ZNF730: variants seen among roughly 807,000 people sequenced by gnomAD.
ZNF730 encodes putative zinc finger protein 730.
In ZNF730, 12 loss-of-function variants were observed where a neutral mutation model predicts 12.6. The observed-to-expected ratio is 0.95, with a 90% CI of 0.61 to 1.54. The LOEUF (loss-of-function observed/expected upper bound fraction) is 1.54. Among genes scored for constraint, ZNF730 ranks in the 40% most tolerant of loss-of-function variants. The probability of loss-of-function intolerance (pLI) is 0.00; values close to 1 mark genes in which losing one functional copy is unlikely to be tolerated. For missense variants in ZNF730, 643 were observed against 583.5 expected (o/e 1.10, Z -1.05); for synonymous variants, 194 against 195.8 (o/e 0.99, Z 0.08).
rs1969924096 is a variant in ZNF730, at chr19:23,079,329, GT to G, written c.-94+3943del. Among the ~76,000 whole-genome samples the G allele has an allele frequency of 2.0e-5, 3 of 151,798 alleles. No homozygotes were observed. The South Asian group carries it at 6.2e-4, about 31-fold the overall frequency. On this transcript the variant is annotated intron_variant, in intron 1 of 2. Coordinates refer to the ZNF730 transcript ENST00000593635. ...TGCGCCACCACGCCCAGCTTATTTT[GT>G]ATTTTTAGTGAAGATGAGGGTTTCT...
intron 1 of ZNF730, among the ~76,000 whole-genome samples, chr19:23,120,627 GTTA>G (rs979278343): frequency 3.3e-5 from 5 of 150,816 alleles, no homozygotes; most frequent in Non-Finnish European, 7.4e-5. Flanking sequence ...AAGATAAGTG[GTTA>G]TTATCTTATT....
In ZNF730 at chr19:23,133,950, G is replaced by T. The variant is rs377420599; in HGVS notation, c.4-130G>T. ...AGTAGAGAATATTTCTGTGTTGAAG[G>T]TTATTAGATAATTTCAGTCACCCCT... On this transcript the variant is annotated intron_variant, in intron 1 of 3. Transcript: ENST00000597761. 120 of 1,045,242 alleles carry T rather than the reference G, an allele frequency of 1.1e-4. No individual in the cohort carries two copies. The East Asian group carries it at 2.4e-3, about 20-fold the overall frequency. The allele number at this position is 1,045,242 out of a possible 1,614,324, so 64.7% of individuals were successfully genotyped here. A position where few individuals can be genotyped will look rare whatever the true frequency, so the allele number is the denominator to read the frequency against.
chr19:23,099,676 T>C (rs1483331031), intron 1 of ZNF730, among the ~76,000 whole-genome samples: 1 of 152,172 alleles, frequency 6.6e-6, no homozygotes, highest in African/African-American at 2.4e-5. Context: ...ACCATTGAGA[T>C]TGTGACTTCT....
At chr19:23,081,660 G>C (rs1231940303) in intron 1 of ZNF730, among the ~76,000 whole-genome samples, 1 of 152,140 alleles carries the variant, frequency 6.6e-6, no homozygotes. Context: ...TTGCCATGTT[G>C]GCCAGACTGG....
chr19:23,079,025 C>G (rs755926897), intron 1 of ZNF730, among the ~76,000 whole-genome samples: 1 of 152,044 alleles, frequency 6.6e-6, no homozygotes, highest in African/African-American at 2.4e-5. Context: ...AGGCTGATCT[C>G]GAACTCCTGA....
intron 1 of ZNF730, chr19:23,095,505 C>G: frequency 2.5e-6 from 1 of 398,596 alleles, no homozygotes; most frequent in Non-Finnish European, 4.4e-6. Context: ...TATCACTGGG[C>G]TAAGCACCTA....
rs201756359 is a variant in ZNF730 at position 23,109,945 on chromosome 19, ATTTCT to A, written c.-93-24131_-93-24127del. Among the ~76,000 whole-genome samples, 1,221 of 151,986 alleles carry A rather than the reference ATTTCT, an allele frequency of 8.0e-3. 7 individuals carry two copies. The highest frequency in any genetic ancestry group is 0.013 in the Non-Finnish European group (894 of 67,978). On this transcript the variant is annotated intron_variant, in intron 1 of 2. Transcript: ENST00000593635. ...TTATTGTAGGCTGAAGACATAATCG[ATTTCT>A]TTTATTTGTTTCTTTATAACCATTT... is the stretch of plus-strand genomic sequence containing the variant.
intron 1 of ZNF730, chr19:23,126,548 A>T (rs1970669721): frequency 7.3e-6 from 3 of 412,674 alleles, no homozygotes; most frequent in Non-Finnish European, 1.5e-5. Flanking sequence ...AGCCCTTTTC[A>T]ACAGGAAGGC....
At chr19:23,126,888 T>G in intron 1 of ZNF730, 1 of 530,760 alleles carries the variant, frequency 1.9e-6, no homozygotes, top group Non-Finnish European at 3.7e-6. Flanking sequence ...CTTAGCAGCT[T>G]GAGTTTCTCT....
At chr19:23,140,485 C>T (rs1970899730) in intron 3 of ZNF730, among the ~76,000 whole-genome samples, 1 of 151,420 alleles carries the variant, frequency 6.6e-6, no homozygotes, top group South Asian at 2.1e-4. Context: ...GTGGCGTGCA[C>T]CTGTAATCCC....
At chr19:23,103,200 C>T (rs1669749567) in intron 1 of ZNF730, among the ~76,000 whole-genome samples, 2 of 152,008 alleles carry the variant, frequency 1.3e-5, no homozygotes, top group South Asian at 4.1e-4. Flanking sequence ...TCTATCTGAA[C>T]CTGAGAGAAT....
At chr19:23,109,012 T>G (rs1293444492) in intron 1 of ZNF730, among the ~76,000 whole-genome samples, 1 of 152,074 alleles carries the variant, frequency 6.6e-6, no homozygotes, top group African/African-American at 2.4e-5. Context: ...GGCCTCTCAT[T>G]AAGTGATGGG....
upstream of ZNF730, among the ~76,000 whole-genome samples, chr19:23,114,329 C>T (rs569272746): frequency 5.3e-4 from 27 of 50,602 alleles, no homozygotes; most frequent in South Asian, 1.2e-3. Flanking sequence ...TTTTTTGAGA[C>T]GGAGTCTCGC....
At chr19:23,082,996 G>A (rs1467991701) in intron 1 of ZNF730, among the ~76,000 whole-genome samples, 3 of 152,276 alleles carry the variant, frequency 2.0e-5, no homozygotes, top group Non-Finnish European at 2.9e-5. Flanking sequence ...ACCGGACCCG[G>A]CCTTTTTTCT....
At chr19:23,107,524 T>G (rs1970410141) in intron 1 of ZNF730, among the ~76,000 whole-genome samples, 1 of 142,624 alleles carries the variant, frequency 7.0e-6, no homozygotes, top group African/African-American at 2.7e-5. Context: ...AGACAGGGTC[T>G]CACCATGTTG....
At chr19:23,128,347 A>G (rs1273546760) in intron 1 of ZNF730, 9 of 552,006 alleles carry the variant, frequency 1.6e-5, no homozygotes, top group Non-Finnish European at 3.0e-5. Context: ...CTCTCAATAC[A>G]TAAACAAAAG....
intron 3 of ZNF730, among the ~76,000 whole-genome samples, chr19:23,137,285 T>C (rs1010137939): frequency 6.6e-5 from 10 of 152,228 alleles, no homozygotes; most frequent in Admixed American, 3.9e-4. Flanking sequence ...GATATATCTT[T>C]CATTTAAAAT....
At chr19:23,075,685 C>G (rs1969845358) in intron 1 of ZNF730, among the ~76,000 whole-genome samples, 1 of 152,186 alleles carries the variant, frequency 6.6e-6, no homozygotes, top group South Asian at 2.1e-4. Flanking sequence ...AGAATCCCGA[C>G]TAGGTGTGTG....
rs1212193174 is a variant in ZNF730, at chr19:23,134,793, GT to G, written c.130+588del. Among the ~76,000 whole-genome samples, 5 of 138,668 alleles carry G rather than the reference GT, an allele frequency of 3.6e-5. 1 individual carries two copies. The highest frequency in any genetic ancestry group is 6.3e-5 in the Non-Finnish European group (4 of 63,952). 91.0% of individuals were successfully genotyped at this position (138,668 alleles called of 152,430 possible). The stretch of plus-strand genomic sequence containing the variant: ...TTTGTGGAATAGAAAGGCGGGAAGA[GT>G]GGGGAAAAAATTGAGAAATCGGATG... On this transcript the variant is annotated intron_variant, in intron 2 of 3. Transcript: ENST00000597761.
Sources: gnomAD v4.1 joint callset for allele counts (sites outside exome capture counted in the v4.1 genomes callset) on GRCh38, gnomAD v4.1.1 for gene constraint, MANE v1.5 for transcripts, NCBI Gene and HGNC (gene_info 2026-07-23, HGNC 2026-07-21) for gene names.